SMAP1: variants seen among roughly 807,000 people sequenced by gnomAD.
SMAP1 encodes the protein stromal membrane-associated protein 1.
A neutral mutation model predicts 58.5 loss-of-function variants in SMAP1; 24 were observed. The ratio of observed to expected loss-of-function variants is 0.41; its 90% confidence interval spans 0.30 to 0.58. The LOEUF is 0.58. SMAP1 is among the 20% of genes least tolerant of loss of function. The probability of loss-of-function intolerance (pLI) is 0.29; values close to 1 mark genes in which losing one functional copy is unlikely to be tolerated. For missense variants in SMAP1, 563 were observed against 566.3 expected (o/e 0.99, Z 0.06); for synonymous variants, 216 against 196.6 (o/e 1.10, Z -0.82).
At chr6:70,688,204 G>A (rs971844832) in intron 1 of SMAP1, among the ~76,000 whole-genome samples, 1 of 152,104 alleles carries the variant, frequency 6.6e-6, no homozygotes, top group African/African-American at 2.4e-5. Context: ...CCATTCATCT[G>A]TTGAAGGACC....
At chr6:70,777,830 G>A (rs1220794771) in intron 4 of SMAP1, among the ~76,000 whole-genome samples, 17 of 151,446 alleles carry the variant, frequency 1.1e-4, no homozygotes, top group East Asian at 2.0e-4. Context: ...TCAGCTCCCT[G>A]CAACCTCCGC....
intron 2 of SMAP1, among the ~76,000 whole-genome samples, chr6:70,745,152 T>G (rs564611591): frequency 3.7e-4 from 57 of 152,364 alleles, no homozygotes; most frequent in Non-Finnish European, 6.8e-4. Flanking sequence ...TAGTTTCTTT[T>G]GCTGTGCAGA....
In SMAP1 at chr6:70,752,667, GT is replaced by G. The variant is rs539151708; in HGVS notation, c.253-2306del. ...CCTCCCCAAAACATCAGCTCCTGTTGTTTTTTTCCCCTGCCCTCTCATTTCC... is the reference window on the plus strand; with the variant it reads ...CCTCCCCAAAACATCAGCTCCTGTTGTTTTTTCCCCTGCCCTCTCATTTCC... On this transcript the variant is annotated intron_variant, in intron 2 of 10. Transcript: ENST00000370455. Among the ~76,000 whole-genome samples, 69 of 151,848 alleles carry G rather than the reference GT, an allele frequency of 4.5e-4. No homozygotes were observed. In the South Asian group the frequency reaches 0.014, roughly 31 times the overall value.
chr6:70,839,398 C>CTG (rs1358673749), intron 7 of SMAP1, among the ~76,000 whole-genome samples: 6 of 152,176 alleles, frequency 3.9e-5, no homozygotes, highest in Non-Finnish European at 7.3e-5. Context: ...TCAGCTCTTG[C>CTG]TGTGTGTGTT....
intron 2 of SMAP1, among the ~76,000 whole-genome samples, chr6:70,742,333 T>A (rs1209063227): frequency 6.6e-6 from 1 of 152,214 alleles, no homozygotes; most frequent in Non-Finnish European, 1.5e-5. Context: ...GCATTTCTTC[T>A]GCCAGATACC....
chr6:70,831,848 T>G (rs1770371607), intron 6 of SMAP1, among the ~76,000 whole-genome samples: 1 of 152,194 alleles, frequency 6.6e-6, no homozygotes, highest in African/African-American at 2.4e-5. Flanking sequence ...CCAAACTGCT[T>G]TCCACAATGA....
At chr6:70,749,903 A>G (rs1766206053) in intron 2 of SMAP1, among the ~76,000 whole-genome samples, 1 of 152,238 alleles carries the variant, frequency 6.6e-6, no homozygotes. Flanking sequence ...AGTAGAAGCC[A>G]TACCTTGAAG....
rs560722919 is a variant in SMAP1, at chr6:70,682,806, G to A, written c.118+14665G>A. On this transcript the variant is annotated intron_variant, in intron 1 of 10. Coordinates refer to ENST00000370455, the MANE Select transcript of SMAP1 (RefSeq NM_001044305.3). Reference sequence around the variant, plus strand: ...TAATCCTAGCACTTTGGGAGGCCGAGGTAGGCCGATCACTTGAGGTCATGA... The same window carrying A: ...TAATCCTAGCACTTTGGGAGGCCGAAGTAGGCCGATCACTTGAGGTCATGA... Among the ~76,000 whole-genome samples, 14 of 152,276 alleles carry A rather than the reference G, an allele frequency of 9.2e-5. 1 individual carries two copies. The highest frequency in any genetic ancestry group is 9.2e-4 in the Admixed American group (14 of 15,296).
At chr6:70,755,577 G>C (rs1254850472) in intron 3 of SMAP1, among the ~76,000 whole-genome samples, 1 of 152,012 alleles carries the variant, frequency 6.6e-6, no homozygotes, top group Non-Finnish European at 1.5e-5. Context: ...GGTAGATTAG[G>C]TGTATTAAAT....
chr6:70,706,358 C>G (rs1163869290), intron 1 of SMAP1, among the ~76,000 whole-genome samples: 1 of 152,116 alleles, frequency 6.6e-6, no homozygotes, highest in Admixed American at 6.5e-5. Context: ...CTGGTTAAAA[C>G]CAGTCAACTA....
At chr6:70,852,505 T>C (rs529964910) in intron 7 of SMAP1, 35 bp from the exon 8 acceptor site, 14 of 1,463,114 alleles carry the variant, frequency 9.6e-6, no homozygotes, top group African/African-American at 7.2e-5. Context: ...ATTTAAGATA[T>C]TCTACGTTAA....
At chr6:70,695,342 G>A (rs1172864022) in intron 1 of SMAP1, among the ~76,000 whole-genome samples, 1 of 152,104 alleles carries the variant, frequency 6.6e-6, no homozygotes, top group Non-Finnish European at 1.5e-5. Flanking sequence ...GTGACAGTGG[G>A]CATCCTTGTC....
intron 1 of SMAP1, among the ~76,000 whole-genome samples, chr6:70,675,196 GTGT>G (rs776566409): frequency 6.2e-5 from 6 of 97,158 alleles, no homozygotes; most frequent in Admixed American, 1.4e-4. Context: ...AAATTATATA[GTGT>G]TTTTTTTTTT....
chr6:70,771,745 T>C (rs1348178017), intron 3 of SMAP1, among the ~76,000 whole-genome samples: 5 of 152,152 alleles, frequency 3.3e-5, no homozygotes, highest in Non-Finnish European at 5.9e-5. Context: ...TCGCCCACGG[T>C]GTGCTGCACC....
intron 1 of SMAP1, among the ~76,000 whole-genome samples, chr6:70,714,530 C>CT (rs1768184994): frequency 3.3e-5 from 5 of 151,940 alleles, no homozygotes; most frequent in Admixed American, 1.3e-4. Flanking sequence ...CAATTTAGAT[C>CT]TATTGTATTA....
chr6:70,756,113 T>G (rs1443917224), intron 3 of SMAP1, among the ~76,000 whole-genome samples: 1 of 152,034 alleles, frequency 6.6e-6, no homozygotes, highest in Admixed American at 6.6e-5. Context: ...TAACTCATAG[T>G]TTAAAAAAGC....
chr6:70,800,875 C>G lies in SMAP1; in HGVS notation c.576+2138C>G, dbSNP rs560119486. Among the ~76,000 whole-genome samples, 4 of 152,252 alleles carry G rather than the reference C, an allele frequency of 2.6e-5. No homozygotes were observed. The East Asian group carries it at 7.7e-4, about 29-fold the overall frequency. On this transcript the variant is annotated intron_variant, in intron 6 of 10. Coordinates refer to ENST00000370455, the MANE Select transcript of SMAP1 (RefSeq NM_001044305.3). ...CCTTTTGTTATGACTGTGTAGTATT[C>G]CATGGTGTATATGTGCCACATTTTC...
At chr6:70,837,557 T>C (rs1165981435) in intron 7 of SMAP1, among the ~76,000 whole-genome samples, 2 of 152,166 alleles carry the variant, frequency 1.3e-5, no homozygotes, top group African/African-American at 4.8e-5. Context: ...ATGTCCTGTT[T>C]GTTCTCATGG....
chr6:70,771,544 A>G (rs1018940700), intron 3 of SMAP1, among the ~76,000 whole-genome samples: 3 of 152,024 alleles, frequency 2.0e-5, no homozygotes, highest in African/African-American at 7.2e-5. Flanking sequence ...GGGGCGTAGG[A>G]CCCTCCGAGC....
Sources: allele counts gnomAD v4.1 joint callset (sites outside exome capture counted in the v4.1 genomes callset), GRCh38; gene constraint gnomAD v4.1.1; transcripts MANE v1.5; gene names NCBI Gene and HGNC (gene_info 2026-07-23, HGNC 2026-07-21).